GOLGA2: variants seen among roughly 807,000 people sequenced by gnomAD.
The protein encoded by GOLGA2 is golgin subfamily A member 2.
A neutral mutation model predicts 148.8 loss-of-function variants in GOLGA2; 49 were observed. The ratio of observed to expected loss-of-function variants is 0.33; its 90% CI spans 0.26 to 0.42. GOLGA2 has a LOEUF of 0.42. Among genes scored for constraint, GOLGA2 ranks in the 10% least tolerant of loss-of-function variants. GOLGA2 has a pLI of 1.00. For missense variants in GOLGA2, 1,178 were observed against 1,304.6 expected (o/e 0.90, Z 1.49); for synonymous variants, 501 against 511.8 (o/e 0.98, Z 0.28).
At chr9:128,272,171 G>T (rs1830997152) in intron 3 of GOLGA2, among the ~76,000 whole-genome samples, 1 of 150,468 alleles carries the variant, frequency 6.6e-6, no homozygotes, top group African/African-American at 2.4e-5. Flanking sequence ...ACCCACACTG[G>T]GCATTCAAAA....
chr9:128,269,377 C>G (rs1043617224), intron 3 of GOLGA2, among the ~76,000 whole-genome samples: 3 of 152,146 alleles, frequency 2.0e-5, no homozygotes, highest in African/African-American at 7.2e-5. Flanking sequence ...ACCCCGACCT[C>G]TTACCTCCAA....
chr9:128,264,645 C>G (rs1830487666), intron 12 of GOLGA2, among the ~76,000 whole-genome samples: 1 of 152,050 alleles, frequency 6.6e-6, no homozygotes, highest in Admixed American at 6.5e-5. Context: ...TCAGGCTGGT[C>G]TCGAACTCCT....
rs773538985 is a variant in GOLGA2 at position 128,261,708 on chromosome 9, G to A, written c.1184C>T (p.Ala395Val). The A allele has an allele frequency of 3.3e-5, 54 of 1,612,770 alleles. No individual in the cohort carries two copies. Among genetic ancestry groups the A allele is most frequent in the Non-Finnish European group, 4.6e-5 (54 of 1,178,894 alleles). Reference sequence around the variant, plus strand: ...TTCCAGCTGTGCCCGCTCCTCCATGGCCTGCTGTAACTGCTGGTTAGCATC... The same window carrying A: ...TTCCAGCTGTGCCCGCTCCTCCATGACCTGCTGTAACTGCTGGTTAGCATC... ...APDANQQLQQ[A>V]MEERAQLEAH... Residue 395 changes from alanine (A) to valine (V), a missense_variant, in exon 15 of 27, where the codon GCC (alanine) becomes GTC (valine). Physicochemically the swap from Ala to Val is moderately conservative, Grantham distance 64. Transcript: ENST00000611957. This position sits in a 1 kb window ranked among gnomAD's most constrained non-coding sequence, Gnocchi z 5.7.
In GOLGA2 at chr9:128,257,110, TA is replaced by T. The variant is rs763679060; in HGVS notation, c.3046del (p.Tyr1016ThrfsTer9). On this transcript the variant is annotated frameshift_variant, in exon 27 of 27. Coordinates refer to ENST00000611957, the MANE Select transcript of GOLGA2 (RefSeq NM_001366244.2). LOFTEE classifies it high-confidence loss of function. The surrounding 1 kb of genome is among the most constrained non-coding windows in gnomAD (Gnocchi z 8.0). ...LGSNPCIPFF[Y>X]RADENDEVKI... Reference sequence around the variant, plus strand: ...CACCTCATCATTCTCGTCAGCCCGGTAAAAAAAAGGAATGCAGGGGTTGCTG... The same window carrying T: ...CACCTCATCATTCTCGTCAGCCCGGTAAAAAAAGGAATGCAGGGGTTGCTG... 4 of 1,611,900 alleles carry T rather than the reference TA, an allele frequency of 2.5e-6. No homozygotes were observed. The highest frequency in any genetic ancestry group is 3.4e-6 in the Non-Finnish European group (4 of 1,178,436).
chr9:128,265,639 T>G lies in GOLGA2; in HGVS notation c.879A>C (p.Gly293=), dbSNP rs749814512. The change falls in exon 12 of 27, where the codon GGA becomes GGC. Residue 293 remains glycine, a synonymous_variant. Transcript: ENST00000611957. ...SRLQYSRRRV[G]ELERALSAVS... The stretch of plus-strand genomic sequence containing the variant: ...CAGCAGAGAGAGCCCGCTCCAACTC[T>G]CCCACACGCCGCCGGGAATACTGCA... 24 of 1,613,772 alleles carry G rather than the reference T, an allele frequency of 1.5e-5. No homozygotes were observed. Among genetic ancestry groups the G allele is most frequent in the Non-Finnish European group, 1.6e-5 (19 of 1,179,964 alleles).
intron 12 of GOLGA2, among the ~76,000 whole-genome samples, chr9:128,263,795 C>T (rs1482848899): frequency 1.3e-5 from 2 of 151,940 alleles, no homozygotes; most frequent in Non-Finnish European, 2.9e-5. Flanking sequence ...TCAAGTGATC[C>T]GCCCGCCTCA....
Position 128,273,905 on chromosome 9 carries a change from T to C in GOLGA2, c.152A>G (p.Lys51Arg). The change falls in exon 2 of 27, where the codon AAA becomes AGA. Residue 51 changes from lysine to arginine, a missense_variant. Around this residue, in one of 5 missense-constraint regions of GOLGA2, gnomAD observed 158 missense variants for 156.6 expected, o/e 1.01. Coordinates refer to ENST00000611957, the MANE Select transcript of GOLGA2 (RefSeq NM_001366244.2). ...PTGAKKKKKI[K>R]NGSNPETTTS... is the part of the protein sequence containing the mutation. Reference sequence around the variant, plus strand: ...GGTTGTCTCAGGGTTACTGCCATTTTTTATTTTCTTCTTCTTTTTCGCTCC... The same window carrying C: ...GGTTGTCTCAGGGTTACTGCCATTTCTTATTTTCTTCTTCTTTTTCGCTCC... The C allele has an allele frequency of 6.2e-7, 1 of 1,613,992 alleles. No individual in the cohort carries two copies. The highest frequency in any genetic ancestry group is 1.3e-5 in the African/African-American group (1 of 75,052).
chr9:128,268,424 G>A lies in GOLGA2; in HGVS notation c.389C>T (p.Ser130Phe), dbSNP rs1177438000. The change falls in exon 4 of 27, where the codon TCT (serine) becomes TTT (phenylalanine). Residue 130 changes from serine (S) to phenylalanine (F), a missense_variant. Transcript: ENST00000611957. ...AGAGGGGGAGGAGGCACGAACCTGA[G>A]ATGCCGCCATGCTAGTGAGACTGGC... Reference protein sequence around the residue: ...PGASLTSMAASQNHDADNVPN... With the variant: ...PGASLTSMAAFQNHDADNVPN... The A allele has an allele frequency of 1.3e-6, 2 of 1,579,244 alleles. No homozygotes were observed. The highest frequency in any genetic ancestry group is 1.7e-5 in the Admixed American group (1 of 59,964).
At chr9:128,275,442 C>G (rs1831263490) in intron 1 of GOLGA2, 1 of 1,300,726 alleles carries the variant, frequency 7.7e-7, no homozygotes, top group Non-Finnish European at 9.8e-7. Context: ...GGACCCAGGT[C>G]CTTGGAGACC....
chr9:128,266,003 G>A lies in GOLGA2; in HGVS notation c.699C>T (p.His233=). ...GCTCCCTTAGGGCTCCCTGCTTTTG[G>A]TGGCATTCTTTCTTTTCCTATAGGA... The part of the protein sequence containing the change: ...DQLEEEKKEC[H]QKQGALREQL... The change falls in exon 10 of 27, where the codon CAC becomes CAT. Residue 233 remains histidine, a synonymous_variant. Transcript: ENST00000611957. The surrounding 1 kb of genome is among the most constrained non-coding windows in gnomAD (Gnocchi z 4.2). The A allele has an allele frequency of 6.2e-7, 1 of 1,613,472 alleles. No homozygotes were observed. Among genetic ancestry groups the A allele is most frequent in the African/African-American group, 1.3e-5 (1 of 75,024 alleles).
Position 128,256,173 on chromosome 9 carries a change from C to T in GOLGA2, c.*894G>A, listed in dbSNP as rs1452698075. 1 of 152,604 alleles carries T rather than the reference C, an allele frequency of 6.6e-6. No individual in the cohort carries two copies. The highest frequency in any genetic ancestry group is 1.9e-4 in the East Asian group (1 of 5,186). The allele number at this position is 152,604 out of a possible 1,614,324, so 9.5% of individuals were successfully genotyped here. ...CCTCTCTGTGTAAGAAGATGGGAGC[C>T]CCCCTGAGGGAAAAATTGCTTTGGT... On this transcript the variant is annotated 3_prime_UTR_variant, in exon 27 of 27. Transcript: ENST00000611957.
chr9:128,258,470 C>T lies in GOLGA2; in HGVS notation c.2274G>A (p.Glu758=). The T allele has an allele frequency of 5.0e-6, 8 of 1,613,094 alleles. No homozygotes were observed. Among genetic ancestry groups the T allele is most frequent in the Non-Finnish European group, 6.8e-6 (8 of 1,179,584 alleles). ...QPMPSIPEDL[E]SREAMVAFFN... ...TCAGCCTCACCATGGCTTCCCGGCT[C>T]TCCAGGTCCTCCGGGATGCTTGGCA... is the stretch of plus-strand genomic sequence containing the variant. Residue 758 remains glutamate, a synonymous_variant, in exon 22 of 27, where the codon GAG becomes GAA. Coordinates refer to ENST00000611957, the MANE Select transcript of GOLGA2 (RefSeq NM_001366244.2). This position sits in a 1 kb window ranked among gnomAD's most constrained non-coding sequence, Gnocchi z 6.6.
In GOLGA2 at chr9:128,257,308, G is replaced by C; in HGVS notation, c.2876-27C>G. The C allele has an allele frequency of 6.2e-7, 1 of 1,611,626 alleles. No individual in the cohort carries two copies. Among genetic ancestry groups the C allele is most frequent in the South Asian group, 1.1e-5 (1 of 90,980 alleles). ...TTTGGAGAGAGAGAGGCAGGGCTCTGAGTGCCACGCGAGCCCTCCCTTACT... is the reference window on the plus strand; with the variant it reads ...TTTGGAGAGAGAGAGGCAGGGCTCTCAGTGCCACGCGAGCCCTCCCTTACT... On this transcript the variant is annotated intron_variant, in intron 26 of 26. Transcript: ENST00000611957. The surrounding 1 kb of genome is among the most constrained non-coding windows in gnomAD (Gnocchi z 8.0).
Position 128,258,797 on chromosome 9 carries a change from T to C in GOLGA2, c.2173+210A>G. The C allele has an allele frequency of 3.2e-6, 2 of 618,260 alleles. No homozygotes were observed. The highest frequency in any genetic ancestry group is 5.7e-6 in the Non-Finnish European group (2 of 351,320). The allele number at this position is 618,260 out of a possible 1,614,324, so 38.3% of individuals were successfully genotyped here. A position where few individuals can be genotyped will look rare whatever the true frequency, so the allele number is the denominator to read the frequency against. Reference sequence around the variant, plus strand: ...TGGGAGTTCTGACCTGCTTCATTTCTGACCTGGGCCAGTTCACCCATCCTT... The same window carrying C: ...TGGGAGTTCTGACCTGCTTCATTTCCGACCTGGGCCAGTTCACCCATCCTT... On this transcript the variant is annotated intron_variant, in intron 21 of 26. Coordinates refer to ENST00000611957, the MANE Select transcript of GOLGA2 (RefSeq NM_001366244.2). This position sits in a 1 kb window ranked among gnomAD's most constrained non-coding sequence, Gnocchi z 6.6.
intron 3 of GOLGA2, among the ~76,000 whole-genome samples, chr9:128,269,282 G>A (rs1830785323): frequency 6.7e-6 from 1 of 149,682 alleles, no homozygotes; most frequent in African/African-American, 2.5e-5. Flanking sequence ...GCCTTTTCAG[G>A]GGGAAAAAAA....
In GOLGA2 at chr9:128,265,567, G is replaced by A. The variant is rs1467438279; in HGVS notation, c.933+18C>T. 3 of 1,552,650 alleles carry A rather than the reference G, an allele frequency of 1.9e-6. No individual in the cohort carries two copies. Among genetic ancestry groups the A allele is most frequent in the Non-Finnish European group, 2.7e-6 (3 of 1,124,388 alleles). ...GGAAGCCAGTATGCCAGGGGACGGG[G>A]CAGGCAGTTGGACTCACCCTGTCTG... On this transcript the variant is annotated intron_variant, in intron 12 of 26. Transcript: ENST00000611957.
chr9:128,270,281 G>A (rs976885876), intron 3 of GOLGA2, among the ~76,000 whole-genome samples: 1 of 151,904 alleles, frequency 6.6e-6, no homozygotes, highest in Non-Finnish European at 1.5e-5. Context: ...ATAGGTGCAC[G>A]CTACCACGCC....
intron 3 of GOLGA2, among the ~76,000 whole-genome samples, chr9:128,270,909 G>A (rs191301106): frequency 3.9e-5 from 6 of 151,988 alleles, no homozygotes; most frequent in Admixed American, 3.9e-4. Flanking sequence ...ATGGCCGGGC[G>A]TGATGGTGCA....
At chr9:128,262,170 G>C (rs1830313257) in intron 14 of GOLGA2, among the ~76,000 whole-genome samples, 1 of 146,724 alleles carries the variant, frequency 6.8e-6, no homozygotes, top group Non-Finnish European at 1.5e-5. Flanking sequence ...CTGGGTGATA[G>C]AGCGAGACCC....
Sources: allele counts gnomAD v4.1 joint callset (sites outside exome capture counted in the v4.1 genomes callset), GRCh38; gene constraint gnomAD v4.1.1; regional missense constraint gnomAD v4.1.1; non-coding constraint Gnocchi (gnomAD v3.1); transcripts MANE v1.5; gene names NCBI Gene and HGNC (gene_info 2026-07-23, HGNC 2026-07-21).